The following ZYG11B variants were observed in gnomAD, a reference collection of about 807,000 sequenced individuals.
ZYG11B encodes zyg-11 family member B, cell cycle regulator.
ZYG11B carries 36 observed loss-of-function variants against 82.4 expected under a neutral mutation model. That is an observed-to-expected ratio of 0.44 (90% CI 0.33 to 0.58). The LOEUF (loss-of-function observed/expected upper bound fraction) is 0.58, where lower values mean the gene tolerates loss of function less well. Among genes scored for constraint, ZYG11B ranks in the 20% least tolerant of loss-of-function variants. The pLI is 0.02. For missense variants in ZYG11B, 552 were observed against 895.6 expected, an observed-to-expected ratio of 0.62 and a Z score of 4.90; for synonymous variants, 303 against 312.8, an observed-to-expected ratio of 0.97 and a Z score of 0.33.
chr1:52,814,252 C>G (rs1645206194), intron 12 of ZYG11B, among the ~76,000 whole-genome samples: 1 of 152,182 alleles, frequency 6.6e-6, no homozygotes, highest in South Asian at 2.1e-4. Flanking sequence ...AACTCCTGAC[C>G]TCAGGTGATC....
chr1:52,772,068 C>T, intron 3 of ZYG11B: 1 of 736,506 alleles, frequency 1.4e-6, no homozygotes, highest in East Asian at 2.7e-5. Context: ...CCTGGCTAAA[C>T]AATAGGTTGT....
intron 1 of ZYG11B, among the ~76,000 whole-genome samples, chr1:52,732,487 TG>T (rs1421293833): frequency 1.3e-5 from 2 of 152,180 alleles, no homozygotes; most frequent in Non-Finnish European, 2.9e-5. Flanking sequence ...TGGCCGGGTG[TG>T]GTGGCTCACG....
intron 7 of ZYG11B, 91 bp from the exon 8 acceptor site, chr1:52,796,643 A>G: frequency 8.8e-7 from 1 of 1,134,278 alleles, no homozygotes; most frequent in South Asian, 1.5e-5. Flanking sequence ...CAGAGATTTT[A>G]GTCTCACCTT....
chr1:52,752,459 A>G (rs1333204594), intron 1 of ZYG11B, among the ~76,000 whole-genome samples: 1 of 152,200 alleles, frequency 6.6e-6, no homozygotes, highest in Non-Finnish European at 1.5e-5. Flanking sequence ...TTACATATGC[A>G]TGATTGATTA....
At chr1:52,817,811 ATATATTTTTT>A (rs1645246865) in intron 13 of ZYG11B, among the ~76,000 whole-genome samples, 1 of 36,974 alleles carries the variant, frequency 2.7e-5, no homozygotes, top group Non-Finnish European at 4.6e-5. Context: ...ATATATATAT[ATATATTTTTT>A]TTTTTTTTTT....
At chr1:52,743,584 C>CTA (rs1644452328) in intron 1 of ZYG11B, among the ~76,000 whole-genome samples, 1 of 151,910 alleles carries the variant, frequency 6.6e-6, no homozygotes, top group Non-Finnish European at 1.5e-5. Flanking sequence ...TGCTTTGGTG[C>CTA]ACACCTGTAG....
At chr1:52,775,546 C>T (rs554877473) in intron 3 of ZYG11B, among the ~76,000 whole-genome samples, 87 of 152,008 alleles carry the variant, frequency 5.7e-4, no homozygotes, top group Non-Finnish European at 1.0e-3. Flanking sequence ...CAAAAATTAG[C>T]CAGGCATGGT....
intron 4 of ZYG11B, among the ~76,000 whole-genome samples, chr1:52,782,676 C>T (rs989135982): frequency 4.6e-5 from 7 of 152,124 alleles, no homozygotes; most frequent in South Asian, 2.1e-4. Context: ...CTCCAGGGCT[C>T]GAGCAATCCT....
Position 52,762,577 on chromosome 1 carries a change from A to AT in ZYG11B, c.196+5961dup, listed in dbSNP as rs562704244. Among the ~76,000 whole-genome samples, 215 of 151,006 alleles carry AT rather than the reference A, an allele frequency of 1.4e-3. 1 individual carries two copies. Among genetic ancestry groups the AT allele is most frequent in the African/African-American group, 5.0e-3 (206 of 41,162 alleles). On this transcript the variant is annotated intron_variant, in intron 2 of 13. Coordinates refer to ENST00000294353, the MANE Select transcript of ZYG11B (RefSeq NM_024646.3). ...TCCTGAAGTGTTTCCACTATATTTTATTTTTTTCATTTGTTTTTTTGAGAC... is the reference window on the plus strand; with the variant it reads ...TCCTGAAGTGTTTCCACTATATTTTATTTTTTTTCATTTGTTTTTTTGAGAC...
intron 1 of ZYG11B, among the ~76,000 whole-genome samples, chr1:52,748,622 G>A (rs892565224): frequency 6.6e-6 from 1 of 152,220 alleles, no homozygotes; most frequent in Non-Finnish European, 1.5e-5. Context: ...CAGCACTTTG[G>A]GAGTCCGAGG....
At chr1:52,776,391 G>A (rs936479392) in intron 3 of ZYG11B, among the ~76,000 whole-genome samples, 2 of 149,564 alleles carry the variant, frequency 1.3e-5, no homozygotes, top group Non-Finnish European at 3.0e-5. Flanking sequence ...AAATTTAGCC[G>A]GGCATGGTGA....
At chr1:52,817,777 G>GTATGTATA (rs1645240000) in intron 13 of ZYG11B, among the ~76,000 whole-genome samples, 5 of 41,538 alleles carry the variant, frequency 1.2e-4, no homozygotes, top group East Asian at 6.3e-4. Context: ...ATATATATGT[G>GTATGTATA]TATATATATA....
intron 12 of ZYG11B, among the ~76,000 whole-genome samples, 192 bp downstream of exon 12, chr1:52,814,104 T>G (rs1645204648): frequency 6.6e-6 from 1 of 152,070 alleles, no homozygotes; most frequent in South Asian, 2.1e-4. Context: ...CACTGCAACC[T>G]CCACCTCCCA....
rs1344178707 is a variant in ZYG11B at position 52,762,935 on chromosome 1, C to A, written c.196+6312C>A. The stretch of plus-strand genomic sequence containing the variant: ...ATAGTTTTGGGTCTTACATTTAGGT[C>A]TTTGATTCATTTTGAGTTGGTTTTT... On this transcript the variant is annotated intron_variant, in intron 2 of 13. Transcript: ENST00000294353. Among the ~76,000 whole-genome samples the A allele has an allele frequency of 9.8e-5, 13 of 133,284 alleles. No individual in the cohort carries two copies. The Admixed American group carries it at 9.8e-4, about 10-fold the overall frequency. The allele number at this position is 133,284 out of a possible 152,430, so 87.4% of individuals were successfully genotyped here.
chr1:52,789,972 T>G (rs766767340), intron 5 of ZYG11B, 31 bp from the exon 6 acceptor site: 1 of 1,510,592 alleles, frequency 6.6e-7, no homozygotes, highest in South Asian at 1.3e-5. Context: ...GATATTTTAT[T>G]TAGGATTTTT....
intron 4 of ZYG11B, among the ~76,000 whole-genome samples, chr1:52,781,557 G>C (rs1644856868): frequency 6.6e-6 from 1 of 152,084 alleles, no homozygotes; most frequent in South Asian, 2.1e-4. Context: ...AGATTCAGTA[G>C]GGCTAGATGA....
intron 5 of ZYG11B, among the ~76,000 whole-genome samples, chr1:52,787,146 T>C (rs775463011): frequency 6.6e-6 from 1 of 152,094 alleles, no homozygotes; most frequent in Non-Finnish European, 1.5e-5. Flanking sequence ...TGATAACATA[T>C]TGGAAACACC....
At chr1:52,800,325 G>A (rs906528482) in intron 8 of ZYG11B, among the ~76,000 whole-genome samples, 2 of 151,432 alleles carry the variant, frequency 1.3e-5, no homozygotes, top group African/African-American at 4.8e-5. Context: ...TGCTAAGTAC[G>A]TAACACTAAA....
chr1:52,801,921 A>G lies in ZYG11B; in HGVS notation c.1588A>G (p.Thr530Ala), dbSNP rs1645078613. The G allele has an allele frequency of 6.2e-7, 1 of 1,613,328 alleles. No individual in the cohort carries two copies. The highest frequency in any genetic ancestry group is 8.5e-7 in the Non-Finnish European group (1 of 1,179,682). The part of the protein sequence containing the change: ...ALWNLTDESP[T>A]TCRHFIENQG... ...TTGGAACCTCACAGATGAATCTCCA[A>G]CCACTTGTAGACACTTTATTGAAAA... Residue 530 changes from threonine to alanine, a missense_variant, in exon 9 of 14, where the codon ACC becomes GCC. This residue lies in a region of ZYG11B where 66 missense variants were observed against 176.4 expected (regional missense o/e 0.37). Transcript: ENST00000294353.
Sources: allele counts gnomAD v4.1 joint callset (sites outside exome capture counted in the v4.1 genomes callset), GRCh38; gene constraint gnomAD v4.1.1; regional missense constraint gnomAD v4.1.1; transcripts MANE v1.5; gene names NCBI Gene and HGNC (gene_info 2026-07-23, HGNC 2026-07-21).